ZNF487: variants seen among roughly 807,000 people sequenced by gnomAD.
ZNF487 encodes zinc finger protein 487, also known as KRAB domain only 1.
ZNF487 carries 4 observed loss-of-function variants against 3.0 expected under a neutral mutation model. The ratio of observed to expected loss-of-function variants is 1.35; its 90% CI spans 0.66 to 3.08. ZNF487 has a LOEUF of 3.08. Among genes scored for constraint, ZNF487 ranks in the 30% most tolerant of loss-of-function variants. ZNF487 has a pLI of 0.01. For synonymous variants in ZNF487, 55 were observed against 34.6 expected (o/e 1.59, Z -2.06); for missense variants, 146 against 98.7 (o/e 1.48, Z -2.03).
Position 43,481,964 on chromosome 10 carries a change from T to A in ZNF487, c.*42T>A, listed in dbSNP as rs117420679. ...AGAGCCTTTTCCGATAGACCAATAT[T>A]CATTGTTCATCAGAGAACTCACATA... On this transcript the variant is annotated 3_prime_UTR_variant, in exon 4 of 4. Transcript: ENST00000437590. 0.033 allele frequency: 20,035 copies of A among 603,496 alleles called. 438 individuals are homozygous for A. Among genetic ancestry groups the A allele is most frequent in the Non-Finnish European group, 0.04 (13,618 of 341,362 alleles). The allele number at this position is 603,496 out of a possible 1,614,324, so 37.4% of individuals were successfully genotyped here.
At chr10:43,455,756 C>T (rs1439664530) in intron 1 of ZNF487, among the ~76,000 whole-genome samples, 1 of 152,242 alleles carries the variant, frequency 6.6e-6, no homozygotes, top group Non-Finnish European at 1.5e-5. Flanking sequence ...GAGGGCGGGG[C>T]CGCGGCCTTG....
At chr10:43,469,969 G>T (rs1374670987) in intron 1 of ZNF487, among the ~76,000 whole-genome samples, 1 of 151,878 alleles carries the variant, frequency 6.6e-6, no homozygotes, top group Non-Finnish European at 1.5e-5. Flanking sequence ...AAAAAATTAG[G>T]ATATGTACAT....
chr10:43,497,692 G>T, the ZNF487 span, among the ~76,000 whole-genome samples: 1 of 152,126 alleles, frequency 6.6e-6, no homozygotes, highest in African/African-American at 2.4e-5. Context: ...TATAGGCTGG[G>T]CGCGGTGGCT....
chr10:43,457,575 AAGAAAAAG>A (rs1840261653), intron 1 of ZNF487, among the ~76,000 whole-genome samples: 1 of 150,804 alleles, frequency 6.6e-6, no homozygotes, highest in African/African-American at 2.4e-5. Flanking sequence ...AAAAAAAAAA[AAGAAAAAG>A]AAAAGAATTC....
At chr10:43,461,471 C>G (rs538511380) in intron 1 of ZNF487, among the ~76,000 whole-genome samples, 4 of 152,160 alleles carry the variant, frequency 2.6e-5, no homozygotes, top group Non-Finnish European at 4.4e-5. Context: ...AGGCATGTAC[C>G]ATAATGCCTG....
In ZNF487 at chr10:43,475,859, G is replaced by A. The variant is rs1841081285; in HGVS notation, c.34+12G>A. 1 of 755,126 alleles carries A rather than the reference G, an allele frequency of 1.3e-6. No homozygotes were observed. The highest frequency in any genetic ancestry group is 2.5e-6 in the Non-Finnish European group (1 of 407,528). 46.8% of individuals were successfully genotyped at this position (755,126 alleles called of 1,614,324 possible). A position where few individuals can be genotyped will look rare whatever the true frequency, so the allele number is the denominator to read the frequency against. On this transcript the variant is annotated intron_variant, in intron 2 of 3. Transcript: ENST00000437590. ...CCTCCTCTCAGTGGGTAAGGATTATGTAATTTGCAGCTTCAAATAACATTT... is the reference window on the plus strand; with the variant it reads ...CCTCCTCTCAGTGGGTAAGGATTATATAATTTGCAGCTTCAAATAACATTT...
rs1196533035 is a variant in ZNF487 at position 43,482,472 on chromosome 10, G to T, written c.*550G>T. ...AGGTCATGCCTTGCAGTACATCAAA[G>T]AACACACACGGGACAAAACCTATGA... On this transcript the variant is annotated 3_prime_UTR_variant, in exon 4 of 4. Transcript: ENST00000437590. 2.1e-6 allele frequency: 1 copy of T among 471,006 alleles called. No homozygotes were observed. The highest frequency in any genetic ancestry group is 1.5e-5 in the South Asian group (1 of 65,022). The allele number at this position is 471,006 out of a possible 1,614,324, so 29.2% of individuals were successfully genotyped here.
At chr10:43,484,422 C>T (rs1382838895), downstream of ZNF487, among the ~76,000 whole-genome samples, 1 of 151,730 alleles carries the variant, frequency 6.6e-6, no homozygotes, top group African/African-American at 2.4e-5. Context: ...GCCTGGCCAA[C>T]ATGGGGAAAC....
chr10:43,484,140 A>C (rs1392754037), downstream of ZNF487, among the ~76,000 whole-genome samples: 1 of 151,518 alleles, frequency 6.6e-6, no homozygotes, highest in Non-Finnish European at 1.5e-5. Context: ...AAGTGCTGGG[A>C]TTACAGGCAT....
chr10:43,495,434 G>A, the ZNF487 span, among the ~76,000 whole-genome samples: 3 of 152,004 alleles, frequency 2.0e-5, no homozygotes, highest in Admixed American at 6.6e-5. Context: ...AGTAGAGATG[G>A]GGTTTCACCA....
At chr10:43,466,181 A>AGAGAGGGAGAGGGAGACCGTACG (rs1554798617) in intron 1 of ZNF487, among the ~76,000 whole-genome samples, 1 of 135,392 alleles carries the variant, frequency 7.4e-6, no homozygotes, top group African/African-American at 2.8e-5. Context: ...GACCGTGGAA[A>AGAGAGGGAGAGGGAGACCGTACG]GAGAGGGAGA....
At position 43,481,779 on chromosome 10, in the gene ZNF487, G is replaced by A. The variant is rs562269414; in HGVS notation, c.481G>A (p.Val161Ile). 111 of 711,882 alleles carry A rather than the reference G, an allele frequency of 1.6e-4. No individual in the cohort carries two copies. Among genetic ancestry groups the A allele is most frequent in the African/African-American group, 1.3e-3 (73 of 57,360 alleles). The allele number at this position is 711,882 out of a possible 1,614,324, so 44.1% of individuals were successfully genotyped here. Reference protein sequence around the residue: ...PLEYDGNGKAVSQNEDLFRHQ... With the variant: ...PLEYDGNGKAISQNEDLFRHQ... ...GGAATATGATGGAAATGGGAAAGCC[G>A]TCTCTCAGAATGAGGACTTATTTAG... Residue 161 changes from valine to isoleucine, a missense_variant, in exon 4 of 4, where the codon GTC becomes ATC. Physicochemically the swap from Val to Ile is conservative, Grantham distance 29. Coordinates refer to ENST00000437590, the MANE Select transcript of ZNF487 (RefSeq NM_001355444.3).
At chr10:43,480,041 TTC>T (rs1320719832) in intron 3 of ZNF487, among the ~76,000 whole-genome samples, 1 of 37,032 alleles carries the variant, frequency 2.7e-5, no homozygotes, top group Admixed American at 3.8e-4. Context: ...CTTTCTTTCT[TTC>T]TTTTTCTTTC....
intron 3 of ZNF487, among the ~76,000 whole-genome samples, chr10:43,479,870 G>C (rs1841245242): frequency 6.6e-6 from 1 of 151,956 alleles, no homozygotes; most frequent in Non-Finnish European, 1.5e-5. Flanking sequence ...TGGCAAGGCT[G>C]GTTTCAAACT....
chr10:43,520,893 G>T, the ZNF487 span, among the ~76,000 whole-genome samples: 2 of 152,198 alleles, frequency 1.3e-5, no homozygotes, highest in African/African-American at 4.8e-5. Context: ...AGTGACAGTT[G>T]CCAATAGCAA....
intron 1 of ZNF487, among the ~76,000 whole-genome samples, chr10:43,439,880 G>T (rs1252008407): frequency 1.3e-5 from 2 of 152,076 alleles, no homozygotes; most frequent in Non-Finnish European, 2.9e-5. Flanking sequence ...TAGAATGGTG[G>T]TTGCTAGAGG....
the ZNF487 span, among the ~76,000 whole-genome samples, chr10:43,513,957 G>C: frequency 6.6e-6 from 1 of 152,126 alleles, no homozygotes; most frequent in Non-Finnish European, 1.5e-5. Context: ...CTGGTAAAAG[G>C]TTGGAGGTCT....
At chr10:43,464,835 T>C (rs1206144310) in intron 1 of ZNF487, among the ~76,000 whole-genome samples, 1 of 152,186 alleles carries the variant, frequency 6.6e-6, no homozygotes, top group Non-Finnish European at 1.5e-5. Context: ...CCTTTTCTAT[T>C]CCACAAAACC....
the ZNF487 span, among the ~76,000 whole-genome samples, chr10:43,494,031 TA>T: frequency 9.3e-3 from 1,037 of 111,876 alleles, 10 homozygotes; most frequent in African/African-American, 0.024. Context: ...ACTCCATCTC[TA>T]AAAAAAAAAA....
Sources: allele counts gnomAD v4.1 joint callset (sites outside exome capture counted in the v4.1 genomes callset), GRCh38; gene constraint gnomAD v4.1.1; transcripts MANE v1.5; gene names NCBI Gene and HGNC (gene_info 2026-07-23, HGNC 2026-07-21).